The following GET4 variants were observed in gnomAD, a reference collection of about 807,000 sequenced individuals.
GET4 encodes guided entry of tail-anchored proteins factor 4, also known as Golgi to ER traffic protein 4 homolog.
In GET4, 20 loss-of-function variants were observed where a neutral mutation model predicts 40.0. That is an observed-to-expected ratio of 0.50 (90% CI 0.35 to 0.73). The LOEUF (loss-of-function observed/expected upper bound fraction) is 0.73. Ranked by LOEUF, GET4 falls within the 30% of genes least tolerant of loss-of-function variation. The probability of loss-of-function intolerance (pLI) is 0.01; values close to 1 mark genes in which losing one functional copy is unlikely to be tolerated. For missense variants in GET4, 557 were observed against 454.0 expected (o/e 1.23, Z -2.06); for synonymous variants, 280 against 194.6 (o/e 1.44, Z -3.65).
chr7:887,325 G>A (rs752699144), intron 3 of GET4, 45 bp from the exon 4 acceptor site: 13 of 1,553,560 alleles, frequency 8.4e-6, no homozygotes, highest in East Asian at 6.8e-5. Context: ...ACAGAGAGCC[G>A]GAGTGGCCGT....
chr7:892,493 T>G lies in GET4; in HGVS notation c.746+75T>G, dbSNP rs1466743758. 1.4e-5 allele frequency: 20 copies of G among 1,466,614 alleles called. No homozygotes were observed. The Admixed American group carries it at 3.1e-4, about 23-fold the overall frequency. 90.9% of individuals were successfully genotyped at this position (1,466,614 alleles called of 1,614,324 possible). On this transcript the variant is annotated intron_variant, in intron 6 of 8. Coordinates refer to ENST00000265857, the MANE Select transcript of GET4 (RefSeq NM_015949.3). ...TGTGTAGACGTGGTGTGGATAGCTG[T>G]GTGGGTGTGTGTGCAAGTGTAGCCA...
At chr7:891,947 T>G (rs2128629234) in intron 5 of GET4, among the ~76,000 whole-genome samples, 1 of 152,362 alleles carries the variant, frequency 6.6e-6, no homozygotes, top group Admixed American at 6.5e-5. Context: ...GGCGGAGTGT[T>G]CTGGTGCGGG....
chr7:881,367 C>G (rs1844082907), intron 1 of GET4: 2 of 151,924 alleles, frequency 1.3e-5, no homozygotes, highest in Admixed American at 1.3e-4. Flanking sequence ...ATCCCCGGCA[C>G]CCGTGCATCT....
chr7:883,408 C>G, intron 1 of GET4: 3 of 652,042 alleles, frequency 4.6e-6, no homozygotes, highest in Non-Finnish European at 5.7e-6. Context: ...CTCGGTCTTT[C>G]TTCATTTGAC....
intron 1 of GET4, among the ~76,000 whole-genome samples, chr7:877,254 C>T (rs1374360743): frequency 1.3e-5 from 2 of 150,544 alleles, no homozygotes; most frequent in African/African-American, 2.5e-5. Flanking sequence ...CGTCTCTCTC[C>T]CCGGCCTCTC....
At chr7:891,217 C>G (rs777711491) in intron 5 of GET4, 151 bp downstream of exon 5, 26 of 604,970 alleles carry the variant, frequency 4.3e-5, no homozygotes, top group Non-Finnish European at 1.7e-5. Flanking sequence ...GTCAGCCTGA[C>G]CCATGATTTT....
intron 5 of GET4, 36 bp downstream of exon 5, chr7:891,102 T>C: frequency 6.5e-7 from 1 of 1,542,788 alleles, no homozygotes; most frequent in Non-Finnish European, 8.8e-7. Flanking sequence ...TCGGCTTCCA[T>C]TGCTGCCTTG....
At chr7:883,972 A>G in intron 1 of GET4, 1 of 1,076,318 alleles carries the variant, frequency 9.3e-7, no homozygotes, top group Non-Finnish European at 1.1e-6. Flanking sequence ...CCCAGGGAAG[A>G]AGGGAGCCGG....
intron 5 of GET4, among the ~76,000 whole-genome samples, chr7:891,413 A>G (rs1004929053): frequency 7.2e-5 from 11 of 152,116 alleles, no homozygotes; most frequent in Admixed American, 1.3e-4. Context: ...AATTGTGAGC[A>G]TCTACCCCGC....
intron 2 of GET4, 66 bp downstream of exon 2, chr7:886,200 C>G (rs1458782410): frequency 2.0e-5 from 20 of 1,001,474 alleles, no homozygotes; most frequent in Non-Finnish European, 2.9e-5. Flanking sequence ...GTGGGAATGA[C>G]CTCCCACCTC....
At chr7:882,450 G>C (rs1275256067) in intron 1 of GET4, 1 of 152,372 alleles carries the variant, frequency 6.6e-6, no homozygotes, top group Non-Finnish European at 1.5e-5. Flanking sequence ...TTACGCTAGA[G>C]AGAAACTGAC....
chr7:886,640 C>T lies in GET4; in HGVS notation c.306C>T (p.Asp102=), dbSNP rs768014054. 1.9e-5 allele frequency: 31 copies of T among 1,610,246 alleles called. No homozygotes were observed. The highest frequency in any genetic ancestry group is 8.9e-5 in the East Asian group (4 of 44,888). Residue 102 remains aspartate, a synonymous_variant, in exon 3 of 9, where the codon GAC becomes GAT. Coordinates refer to ENST00000265857, the MANE Select transcript of GET4 (RefSeq NM_015949.3). Reference sequence around the variant, plus strand: ...AGAAGGCGGAAGTGGAGGTGGCTGACGAGCTGCTGGGTGAGCATCCGGCCC... The same window carrying T: ...AGAAGGCGGAAGTGGAGGTGGCTGATGAGCTGCTGGGTGAGCATCCGGCCC... ...SLEKAEVEVA[D]ELLENLAKVF...
In GET4 at chr7:895,348, A is replaced by G. The variant is rs764116283; in HGVS notation, c.910A>G (p.Ser304Gly). ...YGGLLGNLLT[S>G]LMGSSEQEDG... ...CTTCTTTCCAGGGAACCTTCTGACCAGCCTCATGGGCTCCTCAGAGCAGGA... is the reference window on the plus strand; with the variant it reads ...CTTCTTTCCAGGGAACCTTCTGACCGGCCTCATGGGCTCCTCAGAGCAGGA... Residue 304 changes from serine to glycine, a missense_variant, in exon 9 of 9, where the codon AGC becomes GGC. By Grantham distance (56) the Ser-to-Gly change is moderately conservative. Transcript: ENST00000265857. The G allele has an allele frequency of 2.7e-5, 43 of 1,577,898 alleles. No individual in the cohort carries two copies. The highest frequency in any genetic ancestry group is 3.4e-5 in the Non-Finnish European group (39 of 1,150,474).
rs753980165 is a variant in GET4, at chr7:891,109, C to T, written c.605+43C>T. 3.5e-5 allele frequency: 54 copies of T among 1,523,984 alleles called. No homozygotes were observed. In the East Asian group the frequency reaches 1.2e-3, roughly 34 times the overall value. The allele number at this position is 1,523,984 out of a possible 1,614,324, so 94.4% of individuals were successfully genotyped here. Reference sequence around the variant, plus strand: ...TTCGGGTCTCGGCTTCCATTGCTGCCTTGGCTGGGCAGCCTTAGAACAGGT... The same window carrying T: ...TTCGGGTCTCGGCTTCCATTGCTGCTTTGGCTGGGCAGCCTTAGAACAGGT... On this transcript the variant is annotated intron_variant, in intron 5 of 8. Coordinates refer to ENST00000265857, the MANE Select transcript of GET4 (RefSeq NM_015949.3).
chr7:877,305 C>G (rs1843979210), intron 1 of GET4, among the ~76,000 whole-genome samples: 1 of 145,210 alleles, frequency 6.9e-6, no homozygotes, highest in African/African-American at 2.6e-5. Context: ...TCCTTGCCCC[C>G]CGCCTCGCTC....
chr7:876,637 G>T lies in GET4; in HGVS notation c.-9G>T. ...CGACAGCGTCAGCCCTGCGCGGAGC[G>T]CCGGCCCGATGGCGGCGGCGGCGGC... On this transcript the variant is annotated 5_prime_UTR_variant, in exon 1 of 9. Coordinates refer to ENST00000265857, the MANE Select transcript of GET4 (RefSeq NM_015949.3). 1 of 1,249,912 alleles carries T rather than the reference G, an allele frequency of 8.0e-7. No homozygotes were observed. Among genetic ancestry groups the T allele is most frequent in the Non-Finnish European group, 1.0e-6 (1 of 991,258 alleles). The allele number at this position is 1,249,912 out of a possible 1,614,324, so 77.4% of individuals were successfully genotyped here. A position where few individuals can be genotyped will look rare whatever the true frequency, so the allele number is the denominator to read the frequency against.
chr7:891,770 C>CTT (rs1252153072), intron 5 of GET4, among the ~76,000 whole-genome samples: 1 of 152,270 alleles, frequency 6.6e-6, no homozygotes, highest in Non-Finnish European at 1.5e-5. Flanking sequence ...GCGTCCGTGA[C>CTT]TTAAGTGAAA....
In GET4 at chr7:893,739, G is replaced by A; in HGVS notation, c.747-1G>A. 1 of 1,599,042 alleles carries A rather than the reference G, an allele frequency of 6.3e-7. No homozygotes were observed. The highest frequency in any genetic ancestry group is 8.6e-7 in the Non-Finnish European group (1 of 1,168,698). Reference sequence around the variant, plus strand: ...CACATCCCTGTGTGTCTCTGTCCCAGTGGGAAGCTGACGGTGTTCACTGTG... The same window carrying A: ...CACATCCCTGTGTGTCTCTGTCCCAATGGGAAGCTGACGGTGTTCACTGTG... On this transcript the variant is annotated splice_acceptor_variant, in intron 6 of 8. Coordinates refer to ENST00000265857, the MANE Select transcript of GET4 (RefSeq NM_015949.3). LOFTEE classifies it high-confidence loss of function.
At chr7:889,398 C>T (rs542798661) in intron 4 of GET4, among the ~76,000 whole-genome samples, 1 of 152,376 alleles carries the variant, frequency 6.6e-6, no homozygotes, top group South Asian at 2.1e-4. Flanking sequence ...TTCCCTGGTG[C>T]TTCCCTCCTG....
Sources: gnomAD v4.1 joint callset for allele counts (sites outside exome capture counted in the v4.1 genomes callset) on GRCh38, gnomAD v4.1.1 for gene constraint, MANE v1.5 for transcripts, NCBI Gene and HGNC (gene_info 2026-07-23, HGNC 2026-07-21) for gene names.